The following ROBO1 variants were observed in gnomAD, a reference collection of about 807,000 sequenced individuals.
ROBO1 encodes the protein roundabout homolog 1.
ROBO1 carries 149 observed loss-of-function variants against 195.9 expected under a neutral mutation model. That is an observed-to-expected ratio of 0.76 (90% CI 0.67 to 0.87). ROBO1 has a LOEUF of 0.87. ROBO1 is among the 40% of genes least tolerant of loss of function. The pLI, the probability that ROBO1 is intolerant of heterozygous loss-of-function variation, is 0.00. For synonymous variants in ROBO1, 816 were observed against 733.2 expected (o/e 1.11, Z -1.82); for missense variants, 1,933 against 2,068.3 (o/e 0.93, Z 1.27).
chr3:79,212,552 T>A (rs2081983914), intron 2 of ROBO1, among the ~76,000 whole-genome samples: 1 of 152,108 alleles, frequency 6.6e-6, no homozygotes, highest in Non-Finnish European at 1.5e-5. Context: ...CTGGGCGTGG[T>A]GGCTACACCT....
At chr3:79,414,805 A>T (rs2037931579) in intron 2 of ROBO1, among the ~76,000 whole-genome samples, 1 of 152,188 alleles carries the variant, frequency 6.6e-6, no homozygotes, top group Non-Finnish European at 1.5e-5. Flanking sequence ...GCAATTTTTT[A>T]ACATAAAGTA....
At position 78,938,480 on chromosome 3, in the gene ROBO1, AG is replaced by A. The variant is rs2039940738; in HGVS notation, c.499+120del. On this transcript the variant is annotated intron_variant, in intron 4 of 30. Coordinates refer to ENST00000464233, the MANE Select transcript of ROBO1 (RefSeq NM_002941.4). Reference sequence around the variant, plus strand: ...AATAGTAGATTGTATTCACATACAAAGCTAGAGTTTATCCTCAGGTAAGGCC... The same window carrying A: ...AATAGTAGATTGTATTCACATACAAACTAGAGTTTATCCTCAGGTAAGGCC... 11 of 770,210 alleles carry A rather than the reference AG, an allele frequency of 1.4e-5. 1 individual carries two copies. In the South Asian group the frequency reaches 2.1e-4, roughly 15 times the overall value. The allele number at this position is 770,210 out of a possible 1,614,324, so 47.7% of individuals were successfully genotyped here.
intron 2 of ROBO1, among the ~76,000 whole-genome samples, chr3:79,163,141 A>C (rs1056673966): frequency 1.3e-5 from 2 of 152,090 alleles, no homozygotes; most frequent in Non-Finnish European, 2.9e-5. Flanking sequence ...CATCTTAAAG[A>C]CTGAAATTCT....
At chr3:79,157,158 T>A (rs375495819) in intron 2 of ROBO1, among the ~76,000 whole-genome samples, 1 of 151,878 alleles carries the variant, frequency 6.6e-6, no homozygotes, top group East Asian at 1.9e-4. Context: ...TGTTGCTGCC[T>A]TTACATTAGA....
At chr3:79,383,911 T>C (rs1197319877) in intron 2 of ROBO1, among the ~76,000 whole-genome samples, 1 of 152,098 alleles carries the variant, frequency 6.6e-6, no homozygotes, top group Non-Finnish European at 1.5e-5. Context: ...TAAAACATCA[T>C]ATTATACACC....
intron 3 of ROBO1, among the ~76,000 whole-genome samples, chr3:79,105,624 G>A (rs558591855): frequency 2.0e-5 from 3 of 151,778 alleles, no homozygotes; most frequent in South Asian, 4.1e-4. Flanking sequence ...AAGGAAGCAT[G>A]CTATCTAAAT....
At chr3:78,605,116 A>G (rs1370332781) in intron 29 of ROBO1, among the ~76,000 whole-genome samples, 1 of 152,212 alleles carries the variant, frequency 6.6e-6, no homozygotes, top group Non-Finnish European at 1.5e-5. Context: ...CACAAAAAAC[A>G]TATTGCAAGA....
chr3:78,929,631 T>C (rs2039401748), intron 4 of ROBO1, among the ~76,000 whole-genome samples: 1 of 151,920 alleles, frequency 6.6e-6, no homozygotes, highest in Non-Finnish European at 1.5e-5. Flanking sequence ...GCCTCCTGTG[T>C]AGCTGGGATT....
At chr3:78,689,716 G>A (rs1251875013) in intron 8 of ROBO1, among the ~76,000 whole-genome samples, 1 of 151,886 alleles carries the variant, frequency 6.6e-6, no homozygotes, top group Non-Finnish European at 1.5e-5. Flanking sequence ...ACATTTAATA[G>A]TTTCTACAGG....
intron 3 of ROBO1, among the ~76,000 whole-genome samples, chr3:78,950,303 C>T (rs529083702): frequency 2.0e-5 from 3 of 151,974 alleles, no homozygotes; most frequent in South Asian, 2.1e-4. Flanking sequence ...AAATGCGGCA[C>T]GTATACACCA....
chr3:79,007,090 C>T (rs1315074126), intron 3 of ROBO1, among the ~76,000 whole-genome samples: 1 of 151,926 alleles, frequency 6.6e-6, no homozygotes, highest in Non-Finnish European at 1.5e-5. Context: ...ACAAAAACAA[C>T]ATAACCAAGG....
At chr3:78,896,153 C>A (rs1036306935) in intron 4 of ROBO1, among the ~76,000 whole-genome samples, 5 of 152,102 alleles carry the variant, frequency 3.3e-5, no homozygotes, top group Non-Finnish European at 7.4e-5. Flanking sequence ...AAAAGTTATT[C>A]ATATAGGTAT....
At chr3:79,387,989 A>G (rs972438861) in intron 2 of ROBO1, among the ~76,000 whole-genome samples, 2 of 152,138 alleles carry the variant, frequency 1.3e-5, no homozygotes, top group African/African-American at 4.8e-5. Flanking sequence ...GCACTGTGTG[A>G]TATGGACCCA....
intron 3 of ROBO1, among the ~76,000 whole-genome samples, chr3:79,115,852 C>G (rs892748588): frequency 7.9e-5 from 12 of 152,104 alleles, no homozygotes; most frequent in Non-Finnish European, 1.5e-4. Context: ...ATGCATTGTT[C>G]TATATGTGGT....
intron 3 of ROBO1, among the ~76,000 whole-genome samples, chr3:78,984,747 C>T (rs904967255): frequency 1.3e-5 from 2 of 152,042 alleles, no homozygotes; most frequent in Non-Finnish European, 2.9e-5. Context: ...CAAACTTGTT[C>T]CAAGAAAGTA....
intron 2 of ROBO1, among the ~76,000 whole-genome samples, chr3:79,272,807 C>T (rs2030684820): frequency 6.6e-6 from 1 of 152,032 alleles, no homozygotes; most frequent in Admixed American, 6.6e-5. Flanking sequence ...ACTACCTCAA[C>T]ATTGAATAAC....
chr3:79,125,670 C>T (rs903064858), intron 2 of ROBO1, 131 bp from the exon 3 acceptor site: 1 of 690,464 alleles, frequency 1.4e-6, no homozygotes, highest in Admixed American at 2.2e-5. Flanking sequence ...ACACACAGCA[C>T]GCTTCATCCT....
chr3:78,784,570 G>A (rs1341256079), intron 4 of ROBO1, among the ~76,000 whole-genome samples: 2 of 149,904 alleles, frequency 1.3e-5, no homozygotes, highest in African/African-American at 4.9e-5. Flanking sequence ...ATTAATCTAG[G>A]AAATTTTAAC....
intron 4 of ROBO1, among the ~76,000 whole-genome samples, chr3:78,898,532 C>T (rs1031538372): frequency 6.6e-5 from 10 of 151,116 alleles, no homozygotes; most frequent in Admixed American, 1.3e-4. Flanking sequence ...GGACTACAGG[C>T]GCCCACCACC....
Sources: gnomAD v4.1 joint callset for allele counts (sites outside exome capture counted in the v4.1 genomes callset) on GRCh38, gnomAD v4.1.1 for gene constraint, MANE v1.5 for transcripts, NCBI Gene and HGNC (gene_info 2026-07-23, HGNC 2026-07-21) for gene names.